TAF4: variants seen among roughly 807,000 people sequenced by gnomAD.
The protein encoded by TAF4 is transcription initiation factor TFIID subunit 4.
In TAF4, 9 loss-of-function variants were observed where a neutral mutation model predicts 90.3. That is an observed-to-expected ratio of 0.10 (90% CI 0.06 to 0.17). The LOEUF is 0.17. Ranked by LOEUF, TAF4 falls within the 10% of genes least tolerant of loss-of-function variation. The pLI is 1.00. For synonymous variants in TAF4, 818 were observed against 638.9 expected, an observed-to-expected ratio of 1.28 and a Z score of -4.23; for missense variants, 1,351 against 1,370.7, an observed-to-expected ratio of 0.99 and a Z score of 0.23.
intron 1 of TAF4, among the ~76,000 whole-genome samples, chr20:62,031,909 A>T (rs1450680016): frequency 6.6e-6 from 1 of 152,106 alleles, no homozygotes; most frequent in African/African-American, 2.4e-5. Context: ...AGCAACACCG[A>T]GACACGGAAC....
chr20:62,008,350 C>A (rs1219553660), intron 5 of TAF4, among the ~76,000 whole-genome samples: 1 of 152,130 alleles, frequency 6.6e-6, no homozygotes, highest in East Asian at 1.9e-4. Flanking sequence ...CCAGGCCATC[C>A]CACTGACGCC....
intron 10 of TAF4, 136 bp downstream of exon 10, chr20:62,000,416 C>T: frequency 7.2e-7 from 1 of 1,397,408 alleles, no homozygotes; most frequent in Non-Finnish European, 9.7e-7. Context: ...TACCCAAGAA[C>T]CACCACCAGC....
chr20:62,012,601 T>TAA (rs200828286), intron 3 of TAF4: 45 of 556,804 alleles, frequency 8.1e-5, no homozygotes, highest in East Asian at 2.4e-4. Flanking sequence ...TCTGTGTGAC[T>TAA]AAAAAAAAGA....
intron 14 of TAF4, among the ~76,000 whole-genome samples, chr20:61,993,412 T>C (rs906493167): frequency 1.3e-5 from 2 of 151,900 alleles, no homozygotes; most frequent in African/African-American, 2.4e-5. Context: ...CCGCCAGCAA[T>C]CCTGACGCAG....
chr20:62,049,064 C>T (rs1242841485), intron 1 of TAF4, among the ~76,000 whole-genome samples: 2 of 151,112 alleles, frequency 1.3e-5, no homozygotes, highest in African/African-American at 4.9e-5. Context: ...CGCATGACCA[C>T]CTCGGTCACC....
Position 62,064,471 on chromosome 20 carries a change from T to C in TAF4, c.1340A>G (p.Gln447Arg). The C allele has an allele frequency of 6.7e-7, 1 of 1,483,870 alleles. No homozygotes were observed. The highest frequency in any genetic ancestry group is 9.0e-7 in the Non-Finnish European group (1 of 1,114,622). 91.9% of individuals were successfully genotyped at this position (1,483,870 alleles called of 1,614,324 possible). The change falls in exon 1 of 15, where the codon CAG becomes CGG. Residue 447 changes from glutamine (Q) to arginine (R), a missense_variant. Gln to Arg is a conservative substitution (Grantham distance 43). Coordinates refer to ENST00000252996, the MANE Select transcript of TAF4 (RefSeq NM_003185.4). ...CTCACCTGGGGGCAGCTGGAAGTTC[T>C]GGATGTTGGTCGGGTTCTGAGGCGG... Reference protein sequence around the residue: ...PQPPQNPTNIQNFQLPPGMVL... With the variant: ...PQPPQNPTNIRNFQLPPGMVL...
intron 9 of TAF4, among the ~76,000 whole-genome samples, chr20:62,001,139 T>C (rs17750066): frequency 0.048 from 7,278 of 152,310 alleles, 242 homozygotes; most frequent in Non-Finnish European, 0.071. Flanking sequence ...CACCTGAAAG[T>C]TGCTAACCTG....
chr20:61,991,895 C>T lies in TAF4; in HGVS notation c.3090+5655G>A, dbSNP rs538243668. Among the ~76,000 whole-genome samples the T allele has an allele frequency of 2.7e-3, 408 of 152,112 alleles. 3 individuals are homozygous for T. Among genetic ancestry groups the T allele is most frequent in the African/African-American group, 9.1e-3 (377 of 41,516 alleles). Reference sequence around the variant, plus strand: ...AAAGGACACCCAGGGAAGAAAAACACGTGGCCTACAGGAGGTAAAATGAGG... The same window carrying T: ...AAAGGACACCCAGGGAAGAAAAACATGTGGCCTACAGGAGGTAAAATGAGG... On this transcript the variant is annotated intron_variant, in intron 14 of 14. Coordinates refer to ENST00000252996, the MANE Select transcript of TAF4 (RefSeq NM_003185.4).
intron 14 of TAF4, among the ~76,000 whole-genome samples, chr20:61,986,999 AC>A (rs1406181830): frequency 6.6e-6 from 1 of 152,246 alleles, no homozygotes; most frequent in Non-Finnish European, 1.5e-5. Context: ...TCCTTGAGAT[AC>A]CTACTAATTA....
In TAF4 at chr20:61,996,974, T is replaced by C. The variant is rs1347433279; in HGVS notation, c.3090+576A>G. ...GGGAAGGAATGAAGAGTACCGGAGA[T>C]GGCAAATAAGGAGGGAAACATAAAA... On this transcript the variant is annotated intron_variant, in intron 14 of 14. Transcript: ENST00000252996. 3.3e-5 allele frequency among the ~76,000 whole-genome samples: 5 copies of C among 152,022 alleles called. 1 individual carries two copies. Among genetic ancestry groups the C allele is most frequent in the Non-Finnish European group, 5.9e-5 (4 of 68,020 alleles).
Position 62,006,623 on chromosome 20 carries a change from G to T in TAF4, c.2110C>A (p.Arg704Ser). The T allele has an allele frequency of 6.2e-7, 1 of 1,604,488 alleles. No individual in the cohort carries two copies. Among genetic ancestry groups the T allele is most frequent in the East Asian group, 2.3e-5 (1 of 44,400 alleles). Residue 704 changes from arginine to serine, a missense_variant, in exon 7 of 15, where the codon CGC becomes AGC. Arg to Ser is a moderately radical substitution (Grantham distance 110). Around this residue, in one of 9 missense-constraint regions of TAF4, gnomAD observed 202 missense variants for 229.7 expected, o/e 0.88. Coordinates refer to ENST00000252996, the MANE Select transcript of TAF4 (RefSeq NM_003185.4). This position sits in a 1 kb window ranked among gnomAD's most constrained non-coding sequence, Gnocchi z 7.0. ...TAVVLSSSVQ[R>S]TAGKTAATVT... is the part of the protein sequence containing the mutation. ...GTGGCCGCCGTCTTCCCGGCCGTGC[G>T]CTGGACCGAGCTACTCAGCACCACG...
chr20:62,025,282 C>T (rs2055868429), intron 1 of TAF4, among the ~76,000 whole-genome samples: 1 of 152,190 alleles, frequency 6.6e-6, no homozygotes, highest in South Asian at 2.1e-4. Flanking sequence ...CTCCAAAGTA[C>T]ACCAAAGGAT....
intron 14 of TAF4, among the ~76,000 whole-genome samples, chr20:61,988,328 A>C (rs1235410494): frequency 6.6e-6 from 1 of 152,222 alleles, no homozygotes; most frequent in South Asian, 2.1e-4. Context: ...GTACTAAAAA[A>C]GTCCCCTCCT....
At chr20:62,051,836 G>C (rs2056029759) in intron 1 of TAF4, among the ~76,000 whole-genome samples, 1 of 152,222 alleles carries the variant, frequency 6.6e-6, no homozygotes, top group Non-Finnish European at 1.5e-5. Flanking sequence ...GTCCCGGGTA[G>C]CAGGGATGCA....
intron 1 of TAF4, among the ~76,000 whole-genome samples, chr20:62,043,944 A>G (rs2055978481): frequency 6.6e-6 from 1 of 152,182 alleles, no homozygotes. Flanking sequence ...GGACGGGAAG[A>G]CACAGAGGCA....
intron 14 of TAF4, among the ~76,000 whole-genome samples, chr20:61,996,211 G>GA (rs904622223): frequency 3.3e-5 from 5 of 150,390 alleles, no homozygotes; most frequent in Non-Finnish European, 5.9e-5. Context: ...CTGTCTCTAC[G>GA]AAAAAAAAAG....
chr20:61,976,501 G>A (rs1157846919), intron 14 of TAF4, among the ~76,000 whole-genome samples, 166 bp from the exon 15 acceptor site: 1 of 152,244 alleles, frequency 6.6e-6, no homozygotes, highest in African/African-American at 2.4e-5. Flanking sequence ...CCAGGGCCCT[G>A]CCAGGGCAGG....
chr20:62,016,406 C>T (rs1002724346), intron 1 of TAF4, among the ~76,000 whole-genome samples: 10 of 152,316 alleles, frequency 6.6e-5, no homozygotes, highest in African/African-American at 2.4e-4. Context: ...CAGCTGCCAG[C>T]GTGGCTAGAA....
chr20:62,002,640 A>G (rs2055714127), intron 9 of TAF4, among the ~76,000 whole-genome samples: 1 of 152,180 alleles, frequency 6.6e-6, no homozygotes, highest in African/African-American at 2.4e-5. Flanking sequence ...ACAGGCACAC[A>G]CCACCAAGCC....
Sources: allele counts gnomAD v4.1 joint callset (sites outside exome capture counted in the v4.1 genomes callset), GRCh38; gene constraint gnomAD v4.1.1; regional missense constraint gnomAD v4.1.1; non-coding constraint Gnocchi (gnomAD v3.1); transcripts MANE v1.5; gene names NCBI Gene and HGNC (gene_info 2026-07-23, HGNC 2026-07-21).